Variants in KCTD16 observed in about 807,000 individuals in gnomAD.
The protein encoded by KCTD16 is potassium channel tetramerization domain containing 16, also known as BTB/POZ domain-containing protein KCTD16.
A neutral mutation model predicts 33.2 loss-of-function variants in KCTD16; 13 were observed. The ratio of observed to expected loss-of-function variants is 0.39; its 90% CI spans 0.25 to 0.62. The LOEUF is 0.62. KCTD16 is among the 20% of genes least tolerant of loss of function. KCTD16 has a pLI of 0.50. For missense variants in KCTD16, 441 were observed against 525.1 expected, an observed-to-expected ratio of 0.84 and a Z score of 1.57; for synonymous variants, 197 against 195.3, an observed-to-expected ratio of 1.01 and a Z score of -0.07.
At chr5:144,444,998 T>C (rs2126980228) in intron 3 of KCTD16, among the ~76,000 whole-genome samples, 1 of 150,486 alleles carries the variant, frequency 6.6e-6, no homozygotes, top group East Asian at 1.9e-4. Flanking sequence ...TATGCATATA[T>C]ATGTACACAT....
intron 3 of KCTD16, among the ~76,000 whole-genome samples, chr5:144,365,206 T>C (rs1424954185): frequency 6.6e-6 from 1 of 152,176 alleles, no homozygotes. Flanking sequence ...AGAAGAGGGC[T>C]TAAAAGATTT....
At chr5:144,196,525 C>T (rs1561525359) in intron 2 of KCTD16, among the ~76,000 whole-genome samples, 2 of 152,006 alleles carry the variant, frequency 1.3e-5, no homozygotes, top group African/African-American at 4.8e-5. Flanking sequence ...ATGTCCTATC[C>T]AGGAGTAATT....
intron 3 of KCTD16, among the ~76,000 whole-genome samples, chr5:144,262,808 G>T (rs967416018): frequency 6.6e-6 from 1 of 152,158 alleles, no homozygotes; most frequent in Non-Finnish European, 1.5e-5. Context: ...AGACCTCTGT[G>T]TGACTCTTAT....
At chr5:144,371,024 A>C (rs1751955008) in intron 3 of KCTD16, among the ~76,000 whole-genome samples, 1 of 152,056 alleles carries the variant, frequency 6.6e-6, no homozygotes, top group African/African-American at 2.4e-5. Flanking sequence ...TCTCAGAAAC[A>C]AAGATGGAGA....
At chr5:144,178,781 T>A (rs899087084) in intron 2 of KCTD16, among the ~76,000 whole-genome samples, 1 of 152,230 alleles carries the variant, frequency 6.6e-6, no homozygotes, top group African/African-American at 2.4e-5. Flanking sequence ...TTATTCCTTT[T>A]AATTTAAAAA....
chr5:144,180,342 C>T (rs1032358420), intron 2 of KCTD16, among the ~76,000 whole-genome samples: 1 of 152,166 alleles, frequency 6.6e-6, no homozygotes, highest in East Asian at 1.9e-4. Flanking sequence ...CAGGACTCCA[C>T]AGAAGCACTC....
intron 3 of KCTD16, among the ~76,000 whole-genome samples, chr5:144,352,035 T>G (rs1479391565): frequency 6.6e-6 from 1 of 152,210 alleles, no homozygotes. Context: ...TTAACTATTC[T>G]TAACAAAAAA....
At chr5:144,340,584 T>C (rs1264459085) in intron 3 of KCTD16, among the ~76,000 whole-genome samples, 1 of 152,000 alleles carries the variant, frequency 6.6e-6, no homozygotes, top group East Asian at 1.9e-4. Flanking sequence ...TCTTAACCCC[T>C]AATATGATAG....
intron 3 of KCTD16, among the ~76,000 whole-genome samples, chr5:144,457,848 A>G (rs936907949): frequency 1.3e-5 from 2 of 152,130 alleles, no homozygotes; most frequent in African/African-American, 4.8e-5. Flanking sequence ...TGGTCATATA[A>G]CTTGACAGTA....
At chr5:144,226,709 A>AT (rs1753942033) in intron 3 of KCTD16, among the ~76,000 whole-genome samples, 1 of 151,978 alleles carries the variant, frequency 6.6e-6, no homozygotes, top group African/African-American at 2.4e-5. Context: ...AGTAGCTGGG[A>AT]TTACAGGCAT....
chr5:144,252,027 G>A (rs1754714553), intron 3 of KCTD16, among the ~76,000 whole-genome samples: 1 of 152,046 alleles, frequency 6.6e-6, no homozygotes, highest in Admixed American at 6.5e-5. Flanking sequence ...GTTTTGATAT[G>A]TTTATTTGTG....
Position 144,452,868 on chromosome 5 carries a change from G to T in KCTD16, c.833-20792G>T, listed in dbSNP as rs76104425. ...TGTGCTCACATCAGTGGAGAATTAG[G>T]CTGCTTTTCTCTGAAGTTCCAGGTG... On this transcript the variant is annotated intron_variant, in intron 3 of 3. Coordinates refer to ENST00000512467, the MANE Select transcript of KCTD16 (RefSeq NM_020768.4). Among the ~76,000 whole-genome samples the T allele has an allele frequency of 5.2e-3, 796 of 152,158 alleles. 6 individuals are homozygous for T. Among genetic ancestry groups the T allele is most frequent in the African/African-American group, 0.018 (765 of 41,530 alleles).
intron 3 of KCTD16, among the ~76,000 whole-genome samples, chr5:144,241,930 G>A (rs1754415087): frequency 6.6e-6 from 1 of 152,040 alleles, no homozygotes; most frequent in Non-Finnish European, 1.5e-5. Context: ...ATACAAAATG[G>A]CAACCATGGT....
At chr5:144,288,077 A>G (rs952345288) in intron 3 of KCTD16, among the ~76,000 whole-genome samples, 2 of 152,148 alleles carry the variant, frequency 1.3e-5, no homozygotes, top group Admixed American at 6.5e-5. Flanking sequence ...CCCTCACTCT[A>G]CAGATTCTGG....
intron 3 of KCTD16, among the ~76,000 whole-genome samples, chr5:144,411,890 A>T (rs557694737): frequency 6.6e-6 from 1 of 152,328 alleles, no homozygotes; most frequent in African/African-American, 2.4e-5. Flanking sequence ...TCAAAAGAAG[A>T]TATACAAATG....
intron 3 of KCTD16, among the ~76,000 whole-genome samples, chr5:144,350,458 A>G (rs1411778858): frequency 1.3e-5 from 2 of 152,214 alleles, no homozygotes; most frequent in Non-Finnish European, 2.9e-5. Context: ...TTAATTTTTT[A>G]CAGAAAAGAA....
At chr5:144,326,521 GA>G (rs1240332376) in intron 3 of KCTD16, among the ~76,000 whole-genome samples, 1 of 151,966 alleles carries the variant, frequency 6.6e-6, no homozygotes, top group Non-Finnish European at 1.5e-5. Flanking sequence ...TATTAAAATG[GA>G]AATAAAATAA....
chr5:144,289,049 C>G (rs1297348085), intron 3 of KCTD16, among the ~76,000 whole-genome samples: 2 of 152,036 alleles, frequency 1.3e-5, no homozygotes, highest in Non-Finnish European at 2.9e-5. Flanking sequence ...AAAAAACAAG[C>G]AAGCAAGCAT....
At chr5:144,181,249 A>G (rs17101666) in intron 2 of KCTD16, among the ~76,000 whole-genome samples, 7,853 of 152,250 alleles carry the variant, frequency 0.052, 579 homozygotes, top group African/African-American at 0.16. Flanking sequence ...GCAACTTTTT[A>G]TGCAAAGATT....
Sources: gnomAD v4.1 joint callset for allele counts (sites outside exome capture counted in the v4.1 genomes callset) on GRCh38, gnomAD v4.1.1 for gene constraint, MANE v1.5 for transcripts, NCBI Gene and HGNC (gene_info 2026-07-23, HGNC 2026-07-21) for gene names.